Variants in ARID1A observed in about 807,000 individuals in gnomAD.
ARID1A encodes AT-rich interaction domain 1A.
Under a neutral mutation model 212.6 loss-of-function variants are expected in ARID1A, and 20 were observed. The observed-to-expected ratio is 0.09, with a 90% CI of 0.07 to 0.14. The LOEUF is 0.14. Among genes scored for constraint, ARID1A ranks in the 10% least tolerant of loss-of-function variants. The probability of loss-of-function intolerance (pLI) is 1.00; values close to 1 mark genes in which losing one functional copy is unlikely to be tolerated. For missense variants in ARID1A, 2,587 were observed against 3,059.0 expected, an observed-to-expected ratio of 0.85 and a Z score of 3.64; for synonymous variants, 1,376 against 1,222.1, an observed-to-expected ratio of 1.13 and a Z score of -2.63.
rs1339752672 is a variant in ARID1A at position 26,696,847 on chromosome 1, C to T, written c.444C>T (p.Tyr148=). 7.5e-7 allele frequency: 1 copy of T among 1,341,032 alleles called. No homozygotes were observed. Among genetic ancestry groups the T allele is most frequent in the South Asian group, 2.0e-5 (1 of 49,564 alleles). The allele number at this position is 1,341,032 out of a possible 1,614,324, so 83.1% of individuals were successfully genotyped here. ...CGGCCGCCTTGCCGCCCCCAGCCTACGGCTTCGGGCAACCCTACGGCCGGA... is the reference window on the plus strand; with the variant it reads ...CGGCCGCCTTGCCGCCCCCAGCCTATGGCTTCGGGCAACCCTACGGCCGGA... ...SAAAALPPPA[Y]GFGQPYGRSP... The change falls in exon 1 of 20, where the codon TAC becomes TAT. Residue 148 remains tyrosine (Y), a synonymous_variant. Transcript: ENST00000324856.
In ARID1A at chr1:26,767,843, G is replaced by A. The variant is rs944682011; in HGVS notation, c.3042G>A (p.Leu1014=). 1.2e-6 allele frequency: 2 copies of A among 1,614,114 alleles called. No individual in the cohort carries two copies. Among genetic ancestry groups the A allele is most frequent in the Non-Finnish European group, 1.7e-6 (2 of 1,180,002 alleles). ...AGAAGATCACCAAGTTGTATGAGCT[G>A]GGTGGTGAGCCTGAGAGGAAGATGT... ...TNEKITKLYE[L]GGEPERKMWV... is the part of the protein sequence containing the mutation. Residue 1014 remains leucine (L), a synonymous_variant, in exon 11 of 20, where the codon CTG becomes CTA. Coordinates refer to ENST00000324856, the MANE Select transcript of ARID1A (RefSeq NM_006015.6).
chr1:26,702,274 A>G (rs1160133395), intron 1 of ARID1A, among the ~76,000 whole-genome samples: 1 of 152,172 alleles, frequency 6.6e-6, no homozygotes, highest in Non-Finnish European at 1.5e-5. Flanking sequence ...GGTTTAAAAA[A>G]CTACATGGTG....
chr1:26,778,973 C>G, intron 19 of ARID1A, 50 bp from the exon 20 acceptor site: 4 of 1,487,454 alleles, frequency 2.7e-6, no homozygotes, highest in Non-Finnish European at 3.6e-6. Flanking sequence ...TAATTCTGTT[C>G]TTAGGCCACT....
In ARID1A at chr1:26,763,034, C is replaced by T. The variant is rs1295248237; in HGVS notation, c.2481C>T (p.Gly827=). 9 of 1,613,638 alleles carry T rather than the reference C, an allele frequency of 5.6e-6. No homozygotes were observed. The highest frequency in any genetic ancestry group is 7.6e-6 in the Non-Finnish European group (9 of 1,179,544). Reference sequence around the variant, plus strand: ...CCAATGCCAACTACCCCAGTGCAGGCATGGCTGGAGGCATAAACCCCATGG... The same window carrying T: ...CCAATGCCAACTACCCCAGTGCAGGTATGGCTGGAGGCATAAACCCCATGG... ...ALPNANYPSA[G]MAGGINPMGA... is the part of the protein sequence containing the mutation. The change falls in exon 8 of 20, where the codon GGC becomes GGT. Residue 827 remains glycine (G), a synonymous_variant. Transcript: ENST00000324856.
In ARID1A at chr1:26,780,818, C is replaced by T; in HGVS notation, c.*62C>T. On this transcript the variant is annotated 3_prime_UTR_variant, in exon 20 of 20. Transcript: ENST00000324856. This position sits in a 1 kb window ranked among gnomAD's most constrained non-coding sequence, Gnocchi z 7.2. The stretch of plus-strand genomic sequence containing the variant: ...CGTGTGTGGAGAACTTAGAAACTGA[C>T]TGTTGCCCTTTATTTATGCAAAACC... 6.6e-7 allele frequency: 1 copy of T among 1,506,390 alleles called. No homozygotes were observed. 93.3% of individuals were successfully genotyped at this position (1,506,390 alleles called of 1,614,324 possible). A position where few individuals can be genotyped will look rare whatever the true frequency, so the allele number is the denominator to read the frequency against.
intron 4 of ARID1A, among the ~76,000 whole-genome samples, chr1:26,746,142 T>C (rs939318409): frequency 6.6e-6 from 1 of 152,180 alleles, no homozygotes; most frequent in Non-Finnish European, 1.5e-5. Context: ...TATGAACAGA[T>C]ATGAGGTTGA....
At chr1:26,698,023 C>A (rs1281420958) in intron 1 of ARID1A, among the ~76,000 whole-genome samples, 2 of 152,084 alleles carry the variant, frequency 1.3e-5, no homozygotes, top group African/African-American at 4.8e-5. Context: ...CTCGAGGGGA[C>A]CTCGAGGGGA....
rs1442548645 is a variant in ARID1A, at chr1:26,696,032, A to T, written c.-372A>T. ...CCTCCCTCCTCCTTTCTCCGGCAGC[A>T]GAAAGCGGAGAGTCACAGCGGGGCC... On this transcript the variant is annotated 5_prime_UTR_variant, in exon 1 of 20. Coordinates refer to ENST00000324856, the MANE Select transcript of ARID1A (RefSeq NM_006015.6). 2 of 776,154 alleles carry T rather than the reference A, an allele frequency of 2.6e-6. No homozygotes were observed. The highest frequency in any genetic ancestry group is 3.9e-5 in the African/African-American group (2 of 51,280). 48.1% of individuals were successfully genotyped at this position (776,154 alleles called of 1,614,324 possible). A position where few individuals can be genotyped will look rare whatever the true frequency, so the allele number is the denominator to read the frequency against.
At chr1:26,712,250 A>ACAGGG (rs1039333506) in intron 1 of ARID1A, among the ~76,000 whole-genome samples, 8 of 152,170 alleles carry the variant, frequency 5.3e-5, no homozygotes, top group African/African-American at 1.7e-4. Flanking sequence ...TGATCTGAGA[A>ACAGGG]CAGGGCGTTG....
intron 3 of ARID1A, 40 bp from the exon 4 acceptor site, chr1:26,732,636 C>A (rs2124792051): frequency 6.8e-7 from 1 of 1,476,078 alleles, no homozygotes; most frequent in South Asian, 1.1e-5. Flanking sequence ...CCTGGTTTAT[C>A]AATACCAGGC....
chr1:26,702,139 T>C (rs968350433), intron 1 of ARID1A, among the ~76,000 whole-genome samples: 2 of 152,174 alleles, frequency 1.3e-5, no homozygotes, highest in African/African-American at 4.8e-5. Context: ...TTGGTTGTAA[T>C]CTGAGTGCCT....
At chr1:26,768,987 G>T (rs1287509973) in intron 11 of ARID1A, among the ~76,000 whole-genome samples, 1 of 152,208 alleles carries the variant, frequency 6.6e-6, no homozygotes, top group Non-Finnish European at 1.5e-5. Flanking sequence ...AGTCAGTTAT[G>T]AATTCCTTCT....
chr1:26,696,684 C>A lies in ARID1A; in HGVS notation c.281C>A (p.Pro94His), dbSNP rs1314991058. 2.3e-6 allele frequency: 3 copies of A among 1,324,498 alleles called. No homozygotes were observed. The highest frequency in any genetic ancestry group is 1.6e-5 in the African/African-American group (1 of 64,226). The allele number at this position is 1,324,498 out of a possible 1,614,324, so 82.0% of individuals were successfully genotyped here. A position where few individuals can be genotyped will look rare whatever the true frequency, so the allele number is the denominator to read the frequency against. Residue 94 changes from proline to histidine, a missense_variant, in exon 1 of 20, where the codon CCC becomes CAC. Physicochemically the swap from Pro to His is moderately conservative, Grantham distance 77 (BLOSUM62 -2). Around this residue, in one of 11 missense-constraint regions of ARID1A, gnomAD observed 735 missense variants for 590.6 expected, o/e 1.24. Transcript: ENST00000324856. ...GGCGGAGCCGGCAGCGGCGGCGGGCCCGGCGCGGAGCCGGACCTGAAGAAC... is the reference window on the plus strand; with the variant it reads ...GGCGGAGCCGGCAGCGGCGGCGGGCACGGCGCGGAGCCGGACCTGAAGAAC... ...GGGGAGSGGG[P>H]GAEPDLKNSN...
intron 4 of ARID1A, among the ~76,000 whole-genome samples, chr1:26,738,376 T>C (rs2080755013): frequency 6.6e-6 from 1 of 152,140 alleles, no homozygotes; most frequent in Non-Finnish European, 1.5e-5. Flanking sequence ...TCAAGTGTAA[T>C]TTAAATTACT....
intron 1 of ARID1A, among the ~76,000 whole-genome samples, chr1:26,720,875 GAAA>G (rs970063789): frequency 1.5e-5 from 2 of 132,054 alleles, no homozygotes; most frequent in Non-Finnish European, 3.3e-5. Context: ...TGTCTCAAAA[GAAA>G]AAAAAAAAAA....
In ARID1A at chr1:26,766,672, G is replaced by A. The variant is rs944958835; in HGVS notation, c.2988+106G>A. On this transcript the variant is annotated intron_variant, in intron 10 of 19. Transcript: ENST00000324856. ...CAAGATCCCAGCCTTTTATGACACC[G>A]GACTAGATAGTCTCTGAAAAAGCTG... 54 of 1,144,040 alleles carry A rather than the reference G, an allele frequency of 4.7e-5. No individual in the cohort carries two copies. In the Middle Eastern group the frequency reaches 6.8e-4, roughly 14 times the overall value. 70.9% of individuals were successfully genotyped at this position (1,144,040 alleles called of 1,614,324 possible).
rs2081052231 is a variant in ARID1A, at chr1:26,767,832, T to C, written c.3031T>C (p.Leu1011=). The C allele has an allele frequency of 1.2e-6, 2 of 1,613,958 alleles. No individual in the cohort carries two copies. The highest frequency in any genetic ancestry group is 1.7e-6 in the Non-Finnish European group (2 of 1,179,946). ...TACAACCAATGAGAAGATCACCAAGTTGTATGAGCTGGGTGGTGAGCCTGA... is the reference window on the plus strand; with the variant it reads ...TACAACCAATGAGAAGATCACCAAGCTGTATGAGCTGGGTGGTGAGCCTGA... ...STTTNEKITK[L]YELGGEPERK... The change falls in exon 11 of 20, where the codon TTG becomes CTG. Residue 1011 remains leucine, a synonymous_variant. Coordinates refer to ENST00000324856, the MANE Select transcript of ARID1A (RefSeq NM_006015.6).
intron 4 of ARID1A, among the ~76,000 whole-genome samples, chr1:26,741,712 G>A (rs1477411540): frequency 6.6e-6 from 1 of 152,158 alleles, no homozygotes; most frequent in Non-Finnish European, 1.5e-5. Context: ...GAATGTTATC[G>A]ATATCAGGAG....
chr1:26,720,390 A>G (rs936967868), intron 1 of ARID1A, among the ~76,000 whole-genome samples: 2 of 151,750 alleles, frequency 1.3e-5, no homozygotes, highest in East Asian at 1.9e-4. Flanking sequence ...GGAGAATCAC[A>G]TGAAACCGGG....
Sources: allele counts gnomAD v4.1 joint callset (sites outside exome capture counted in the v4.1 genomes callset), GRCh38; gene constraint gnomAD v4.1.1; regional missense constraint gnomAD v4.1.1; non-coding constraint Gnocchi (gnomAD v3.1); transcripts MANE v1.5; gene names NCBI Gene and HGNC (gene_info 2026-07-23, HGNC 2026-07-21).